Variants in PRX observed in about 807,000 individuals in gnomAD.
PRX encodes periaxin.
A neutral mutation model predicts 29.6 loss-of-function variants in PRX; 24 were observed. That is an observed-to-expected ratio of 0.81 (90% CI 0.59 to 1.14). PRX has a LOEUF of 1.14. PRX is among the 50% of genes most tolerant of loss of function. The pLI is 0.00. For missense variants in PRX, 1,838 were observed against 1,926.4 expected (o/e 0.95, Z 0.86); for synonymous variants, 772 against 831.7 (o/e 0.93, Z 1.24).
At chr19:40,411,140 T>C (rs2145749300) in intron 1 of PRX, among the ~76,000 whole-genome samples, 1 of 152,246 alleles carries the variant, frequency 6.6e-6, no homozygotes, top group Non-Finnish European at 1.5e-5. Flanking sequence ...CTAGGACCCG[T>C]GCCTGCCCTT....
Position 40,407,595 on chromosome 19 carries a change from C to T in PRX, c.27+311G>A, listed in dbSNP as rs73559626. On this transcript the variant is annotated intron_variant, in intron 4 of 6. Coordinates refer to ENST00000324001, the MANE Select transcript of PRX (RefSeq NM_181882.3). ...GAATTCCAGGCCTGCGCCACTGCAC[C>T]TGGCATATGCTGCCTCTTCTGATGA... is the stretch of plus-strand genomic sequence containing the variant. 11,814 of 525,356 alleles carry T rather than the reference C, an allele frequency of 0.022. 1,088 individuals are homozygous for T. The highest frequency in any genetic ancestry group is 0.2 in the African/African-American group (10,247 of 52,302). 32.5% of individuals were successfully genotyped at this position (525,356 alleles called of 1,614,324 possible). A position where few individuals can be genotyped will look rare whatever the true frequency, so the allele number is the denominator to read the frequency against.
chr19:40,403,778 C>A lies in PRX; in HGVS notation c.112G>T (p.Gly38Cys), dbSNP rs1222620804. 3.7e-6 allele frequency: 6 copies of A among 1,603,352 alleles called. No individual in the cohort carries two copies. Residue 38 changes from glycine to cysteine, a missense_variant, in exon 5 of 7, where the codon GGC becomes TGC. Physicochemically the swap from Gly to Cys is radical, Grantham distance 159. Around this residue, in one of 3 missense-constraint regions of PRX, gnomAD observed 666 missense variants for 665.0 expected, o/e 1.00. Transcript: ENST00000324001. Reference sequence around the variant, plus strand: ...TCCCGAACGAAGATTCCCTCTTTGCCGCCGCCCGCTACGTTGATGCCGCTG... The same window carrying A: ...TCCCGAACGAAGATTCCCTCTTTGCAGCCGCCCGCTACGTTGATGCCGCTG... The part of the protein sequence containing the change: ...GVSGINVAGG[G>C]KEGIFVRELR...
rs933445106 is a variant in PRX at position 40,394,604 on chromosome 19, G to T, written c.3748C>A (p.Leu1250Met). 2.5e-6 allele frequency: 4 copies of T among 1,608,130 alleles called. No homozygotes were observed. The highest frequency in any genetic ancestry group is 3.4e-6 in the Non-Finnish European group (4 of 1,179,250). Residue 1250 changes from leucine to methionine, a missense_variant, in exon 7 of 7, where the codon CTG (leucine) becomes ATG (methionine). By Grantham distance (15) the Leu-to-Met change is conservative. This residue lies in a region of PRX where 1,143 missense variants were observed against 1,193.0 expected (regional missense o/e 0.96). Transcript: ENST00000324001. The surrounding 1 kb of genome is among the most constrained non-coding windows in gnomAD (Gnocchi z 5.8). ...CCCCCCACCCTAGCTCTGGCCCCCA[G>T]TGTGGGCAACTTCAGCCTCAGCCCA... ...EGGLRLKLPT[L>M]GARARVGGEG...
rs2079422142 is a variant in PRX at position 40,395,314 on chromosome 19, T to A, written c.3038A>T (p.Asp1013Val). 6.2e-7 allele frequency: 1 copy of A among 1,613,392 alleles called. No individual in the cohort carries two copies. Among genetic ancestry groups the A allele is most frequent in the Admixed American group, 1.7e-5 (1 of 59,992 alleles). The change falls in exon 7 of 7, where the codon GAC (aspartate) becomes GTC (valine). Residue 1013 changes from aspartate (D) to valine (V), a missense_variant. Asp to Val is a radical substitution (Grantham distance 152, BLOSUM62 -3). Transcript: ENST00000324001. ...PSGKVEVAGADLKFKGPRFAL... is the reference protein window; with the variant it reads ...PSGKVEVAGAVLKFKGPRFAL... ...AAACCTGGGCCCCTTGAACTTGAGG[T>A]CGGCCCCTGCCACCTCTACCTTGCC...
upstream of PRX, among the ~76,000 whole-genome samples, chr19:40,413,915 T>G (rs2079570603): frequency 6.6e-6 from 1 of 152,148 alleles, no homozygotes; most frequent in African/African-American, 2.4e-5. Flanking sequence ...TACTAATAAG[T>G]ATTTGGTATT....
At chr19:40,401,699 C>T (rs78458775) in intron 5 of PRX, among the ~76,000 whole-genome samples, 1,946 of 152,076 alleles carry the variant, frequency 0.013, 18 homozygotes, top group South Asian at 0.049. Flanking sequence ...GCTGTCTGTT[C>T]CCTCTTCCAG....
intron 1 of PRX, among the ~76,000 whole-genome samples, chr19:40,410,401 G>A (rs1789753679): frequency 6.6e-6 from 1 of 152,178 alleles, no homozygotes; most frequent in South Asian, 2.1e-4. Context: ...TAGCCCATCA[G>A]TGGCCAGGAG....
At position 40,394,913 on chromosome 19, in the gene PRX, G is replaced by A. The variant is rs770660126; in HGVS notation, c.3439C>T (p.Pro1147Ser). The A allele has an allele frequency of 3.7e-6, 6 of 1,610,272 alleles. No homozygotes were observed. Among genetic ancestry groups the A allele is most frequent in the Non-Finnish European group, 5.1e-6 (6 of 1,179,956 alleles). Reference protein sequence around the residue: ...EGHDAGLRMPPLGISLPQVEL... With the variant: ...EGHDAGLRMPSLGISLPQVEL... ...ACCTGTGGCAGGGAGATGCCCAGCG[G>A]AGGCATCCTCAGCCCCGCGTCATGG... Residue 1147 changes from proline (P) to serine (S), a missense_variant, in exon 7 of 7, where the codon CCG (proline) becomes TCG (serine). By Grantham distance (74) the Pro-to-Ser change is moderately conservative. Around this residue, in one of 3 missense-constraint regions of PRX, gnomAD observed 1,143 missense variants for 1,193.0 expected, o/e 0.96. Transcript: ENST00000324001. The surrounding 1 kb of genome is among the most constrained non-coding windows in gnomAD (Gnocchi z 5.8).
chr19:40,407,882 C>A (rs2079539373), intron 4 of PRX, 24 bp downstream of exon 4: 1 of 1,612,838 alleles, frequency 6.2e-7, no homozygotes, highest in African/African-American at 1.3e-5. Context: ...TCAAGTGCGC[C>A]TTGCAGGACA....
chr19:40,398,069 CT>C lies in PRX; in HGVS notation c.382-100del. The C allele has an allele frequency of 6.8e-7, 1 of 1,476,440 alleles. No homozygotes were observed. Among genetic ancestry groups the C allele is most frequent in the East Asian group, 2.5e-5 (1 of 40,496 alleles). 91.5% of individuals were successfully genotyped at this position (1,476,440 alleles called of 1,614,324 possible). ...GGTATTGGACCAGGCGGGGGATGTG[CT>C]GGGTCAAGTATCTTGTTCCCCAAAC... On this transcript the variant is annotated intron_variant, in intron 6 of 6. Transcript: ENST00000324001. The surrounding 1 kb of genome is among the most constrained non-coding windows in gnomAD (Gnocchi z 6.3).
chr19:40,405,730 C>T (rs551647204), intron 4 of PRX, among the ~76,000 whole-genome samples: 40 of 149,814 alleles, frequency 2.7e-4, no homozygotes, highest in Admixed American at 8.6e-4. Context: ...ACCTCCACCT[C>T]CCGGGTCAAG....
At position 40,395,972 on chromosome 19, in the gene PRX, C is replaced by G. The variant is rs1204024231; in HGVS notation, c.2380G>C (p.Gly794Arg). 6.2e-7 allele frequency: 1 copy of G among 1,614,000 alleles called. No individual in the cohort carries two copies. Among genetic ancestry groups the G allele is most frequent in the African/African-American group, 1.3e-5 (1 of 74,944 alleles). Residue 794 changes from glycine (G) to arginine (R), a missense_variant, in exon 7 of 7, where the codon GGG becomes CGG. By Grantham distance (125) the Gly-to-Arg change is moderately radical. Coordinates refer to ENST00000324001, the MANE Select transcript of PRX (RefSeq NM_181882.3). ...LKATKAEQAE[G>R]MEFGFKMPKM... ...GGCATCTTGAAGCCAAATTCCATCC[C>G]TTCTGCCTGTTCTGCCTTGGTGGCC...
Position 40,394,654 on chromosome 19 carries a change from G to A in PRX, c.3698C>T (p.Ala1233Val), listed in dbSNP as rs767851512. The change falls in exon 7 of 7, where the codon GCG becomes GTG. Residue 1233 changes from alanine to valine, a missense_variant. Physicochemically the swap from Ala to Val is moderately conservative, Grantham distance 64 (BLOSUM62 0). Transcript: ENST00000324001. This position sits in a 1 kb window ranked among gnomAD's most constrained non-coding sequence, Gnocchi z 5.8. ...ACCCTCGCCTGTGGCCGCCTCGCCCGCCTGTGCCTCTCGGCTTAGCCCCAC... is the reference window on the plus strand; with the variant it reads ...ACCCTCGCCTGTGGCCGCCTCGCCCACCTGTGCCTCTCGGCTTAGCCCCAC... Reference protein sequence around the residue: ...LDVGLSREAQAGEAATGEGGL... With the variant: ...LDVGLSREAQVGEAATGEGGL... 27 of 1,607,958 alleles carry A rather than the reference G, an allele frequency of 1.7e-5. No individual in the cohort carries two copies. The South Asian group carries it at 1.9e-4, about 11-fold the overall frequency.
Position 40,398,812 on chromosome 19 carries a change from G to T in PRX, c.189C>A (p.Asp63Glu). 6.2e-7 allele frequency: 1 copy of T among 1,613,988 alleles called. No homozygotes were observed. Among genetic ancestry groups the T allele is most frequent in the Non-Finnish European group, 8.5e-7 (1 of 1,179,928 alleles). Residue 63 changes from aspartate to glutamate, a missense_variant, in exon 6 of 7, where the codon GAC becomes GAA. Around this residue, in one of 3 missense-constraint regions of PRX, gnomAD observed 666 missense variants for 665.0 expected, o/e 1.00. Coordinates refer to ENST00000324001, the MANE Select transcript of PRX (RefSeq NM_181882.3). The surrounding 1 kb of genome is among the most constrained non-coding windows in gnomAD (Gnocchi z 6.3). ...AGAACACTCGGGCACTCAGCAGCTG[G>T]TCCCCTGCGGGCGAGGTGGAGGTGC... is the stretch of plus-strand genomic sequence containing the variant. Reference protein sequence around the residue: ...AARSLSLQEGDQLLSARVFFE... With the variant: ...AARSLSLQEGEQLLSARVFFE...
chr19:40,404,605 C>A (rs765261358), intron 4 of PRX, among the ~76,000 whole-genome samples: 3 of 152,028 alleles, frequency 2.0e-5, no homozygotes, highest in Non-Finnish European at 2.9e-5. Flanking sequence ...GTCTCTCACT[C>A]TGTCCCCAGG....
chr19:40,395,811 C>G lies in PRX; in HGVS notation c.2541G>C (p.Val847=). The change falls in exon 7 of 7, where the codon GTG becomes GTC. Residue 847 remains valine, a synonymous_variant. Transcript: ENST00000324001. The stretch of plus-strand genomic sequence containing the variant: ...AAGGCAGAGTGAGAGAGGGGACACC[C>G]ACATGAGCCTCACCATCCACCTCTG... ...LQPEVDGEAH[V]GVPSLTLPSV... is the part of the protein sequence containing the mutation. The G allele has an allele frequency of 6.2e-7, 1 of 1,614,180 alleles. No individual in the cohort carries two copies. The highest frequency in any genetic ancestry group is 8.5e-7 in the Non-Finnish European group (1 of 1,180,036).
rs764520097 is a variant in PRX at position 40,394,768 on chromosome 19, G to A, written c.3584C>T (p.Pro1195Leu). 6.2e-7 allele frequency: 1 copy of A among 1,613,644 alleles called. No homozygotes were observed. The highest frequency in any genetic ancestry group is 1.1e-5 in the South Asian group (1 of 91,086). Residue 1195 changes from proline (P) to leucine (L), a missense_variant, in exon 7 of 7, where the codon CCT becomes CTT. Around this residue, in one of 3 missense-constraint regions of PRX, gnomAD observed 1,143 missense variants for 1,193.0 expected, o/e 0.96. Transcript: ENST00000324001. The surrounding 1 kb of genome is among the most constrained non-coding windows in gnomAD (Gnocchi z 5.8). ...VQVPQVTLSL[P>L]GAQVAGGELL... is the part of the protein sequence containing the mutation. ...CTCACCACCTGCAACCTGGGCTCCA[G>A]GCAGAGACAGGGTCACCTGGGGCAC...
intron 1 of PRX, among the ~76,000 whole-genome samples, chr19:40,410,916 G>A (rs770046810): frequency 7.2e-5 from 11 of 152,120 alleles, no homozygotes; most frequent in Admixed American, 1.3e-4. Flanking sequence ...GCTTTAGCTG[G>A]ACAATCATAA....
intron 1 of PRX, among the ~76,000 whole-genome samples, chr19:40,412,459 A>G (rs992722701): frequency 6.6e-6 from 1 of 152,138 alleles, no homozygotes; most frequent in Non-Finnish European, 1.5e-5. Flanking sequence ...TCCCTCCTGT[A>G]TAGTAAATGC....
Sources: allele counts gnomAD v4.1 joint callset (sites outside exome capture counted in the v4.1 genomes callset), GRCh38; gene constraint gnomAD v4.1.1; regional missense constraint gnomAD v4.1.1; non-coding constraint Gnocchi (gnomAD v3.1); transcripts MANE v1.5; gene names NCBI Gene and HGNC (gene_info 2026-07-23, HGNC 2026-07-21).